The following ANO4 variants were observed in gnomAD, a reference collection of about 807,000 sequenced individuals.
ANO4 encodes anoctamin 4, also known as anoctamin-4.
ANO4 carries 69 observed loss-of-function variants against 141.9 expected under a neutral mutation model. The observed-to-expected ratio is 0.49, with a 90% confidence interval of 0.40 to 0.59. The LOEUF is 0.59. Ranked by LOEUF, ANO4 falls within the 20% of genes least tolerant of loss-of-function variation. The pLI is 0.00. For missense variants in ANO4, 894 were observed against 1,162.2 expected (o/e 0.77, Z 3.36); for synonymous variants, 350 against 394.3 (o/e 0.89, Z 1.33).
At chr12:100,865,160 C>T (rs1008464871) in intron 1 of ANO4, among the ~76,000 whole-genome samples, 7 of 152,098 alleles carry the variant, frequency 4.6e-5, no homozygotes, top group Admixed American at 3.9e-4. Flanking sequence ...AATGGGATTG[C>T]TGGGTCAAAT....
chr12:100,802,841 A>G (rs2034779174), intron 1 of ANO4, among the ~76,000 whole-genome samples: 1 of 152,156 alleles, frequency 6.6e-6, no homozygotes, highest in African/African-American at 2.4e-5. Context: ...GGTTCTCTTT[A>G]AAGTTATTTA....
chr12:101,027,417 G>A (rs1248865371), intron 9 of ANO4, among the ~76,000 whole-genome samples: 1 of 152,124 alleles, frequency 6.6e-6, no homozygotes, highest in African/African-American at 2.4e-5. Context: ...TTGGGGGAGG[G>A]GCAGCAGCCA....
intron 8 of ANO4, among the ~76,000 whole-genome samples, chr12:101,016,849 T>C (rs897952044): frequency 2.6e-5 from 4 of 152,150 alleles, no homozygotes; most frequent in African/African-American, 7.2e-5. Context: ...CCTGTGAAGG[T>C]GATTACAGTG....
intron 9 of ANO4, 70 bp from the exon 10 acceptor site, chr12:101,037,025 T>TA (rs1399290097): frequency 6.8e-7 from 1 of 1,473,672 alleles, no homozygotes; most frequent in Non-Finnish European, 9.5e-7. Flanking sequence ...GCACCACACT[T>TA]ATATTTGTTT....
intron 5 of ANO4, among the ~76,000 whole-genome samples, chr12:100,951,116 T>G (rs1592814675): frequency 1.3e-5 from 2 of 152,068 alleles, no homozygotes; most frequent in Admixed American, 1.3e-4. Context: ...AAATGTAAAT[T>G]AAAACCACAA....
chr12:100,725,661 A>C (rs2031085327), intron 1 of ANO4, among the ~76,000 whole-genome samples: 1 of 152,132 alleles, frequency 6.6e-6, no homozygotes, highest in Admixed American at 6.5e-5. Flanking sequence ...TTGCTATCTT[A>C]ACTGTCAACC....
intron 3 of ANO4, among the ~76,000 whole-genome samples, chr12:100,775,016 T>A (rs140534419): frequency 1.3e-3 from 202 of 152,342 alleles, no homozygotes; most frequent in African/African-American, 4.6e-3. Context: ...TTGTTGTACT[T>A]CTTTGAGGCA....
At position 101,094,407 on chromosome 12, in the gene ANO4, TACA is replaced by T. The variant is rs1464818469; in HGVS notation, c.1738+120_1738+122del. ...AATAGTCCCTTTATTTTAAAATTCA[TACA>T]ACAAGTTTTTTCTTTGCCTTCAACA... On this transcript the variant is annotated intron_variant, in intron 18 of 27. Coordinates refer to ENST00000392977, the MANE Select transcript of ANO4 (RefSeq NM_001286615.2). 31 of 789,858 alleles carry T rather than the reference TACA, an allele frequency of 3.9e-5. No homozygotes were observed. The Admixed American group carries it at 4.5e-4, about 12-fold the overall frequency. The allele number at this position is 789,858 out of a possible 1,614,324, so 48.9% of individuals were successfully genotyped here.
chr12:101,105,638 A>C (rs1337087123), intron 22 of ANO4, among the ~76,000 whole-genome samples: 1 of 152,228 alleles, frequency 6.6e-6, no homozygotes, highest in East Asian at 1.9e-4. Flanking sequence ...GGAGACCCAA[A>C]GATGATTCAG....
At chr12:100,990,867 G>A (rs142125924) in intron 8 of ANO4, among the ~76,000 whole-genome samples, 17 of 152,292 alleles carry the variant, frequency 1.1e-4, no homozygotes, top group African/African-American at 3.6e-4. Context: ...ATAAATGAAC[G>A]AAGGCGTGAA....
chr12:100,814,038 G>GT (rs1302840788), intron 1 of ANO4, among the ~76,000 whole-genome samples: 1 of 152,076 alleles, frequency 6.6e-6, no homozygotes, highest in Non-Finnish European at 1.5e-5. Context: ...GCCTCTAGCT[G>GT]TAACTCCCCT....
intron 1 of ANO4, among the ~76,000 whole-genome samples, chr12:100,818,397 G>C (rs931396031): frequency 1.3e-5 from 2 of 151,766 alleles, no homozygotes; most frequent in African/African-American, 4.8e-5. Context: ...AAGTAACAGA[G>C]CCCCCTTTTT....
intron 3 of ANO4, among the ~76,000 whole-genome samples, chr12:100,772,369 CTT>C (rs1184464433): frequency 6.6e-6 from 1 of 152,190 alleles, no homozygotes; most frequent in Non-Finnish European, 1.5e-5. Flanking sequence ...TTCCCTACCT[CTT>C]TTCTTTAAAT....
intron 22 of ANO4, among the ~76,000 whole-genome samples, chr12:101,103,146 A>G (rs1177109935): frequency 1.4e-5 from 2 of 144,714 alleles, no homozygotes; most frequent in Admixed American, 1.4e-4. Context: ...TATCATCCAC[A>G]TATAATGATA....
In ANO4 at chr12:101,104,627, GTATATATATA is replaced by G. The variant is rs1167784816; in HGVS notation, c.2149+4942_2149+4951del. 7.1e-3 allele frequency among the ~76,000 whole-genome samples: 438 copies of G among 62,044 alleles called. 4 individuals are homozygous for G. Among genetic ancestry groups the G allele is most frequent in the African/African-American group, 0.023 (296 of 12,856 alleles). 40.7% of individuals were successfully genotyped at this position (62,044 alleles called of 152,430 possible). A position where few individuals can be genotyped will look rare whatever the true frequency, so the allele number is the denominator to read the frequency against. Reference sequence around the variant, plus strand: ...TGTGTGTGTGTGTGTATGTATGTGTGTATATATATATATATATATATATATATATATATAT... The same window carrying G: ...TGTGTGTGTGTGTGTATGTATGTGTGTATATATATATATATATATATATAT... On this transcript the variant is annotated intron_variant, in intron 22 of 27. Coordinates refer to ENST00000392977, the MANE Select transcript of ANO4 (RefSeq NM_001286615.2).
At chr12:100,767,011 A>G (rs1239970944) in intron 3 of ANO4, among the ~76,000 whole-genome samples, 2 of 151,974 alleles carry the variant, frequency 1.3e-5, no homozygotes, top group Non-Finnish European at 2.9e-5. Flanking sequence ...TATATTCTGA[A>G]CACTCCTGTT....
chr12:101,053,301 A>G (rs935546685), intron 14 of ANO4, among the ~76,000 whole-genome samples: 2 of 152,238 alleles, frequency 1.3e-5, no homozygotes, highest in Non-Finnish European at 2.9e-5. Context: ...CTTAGGTGAC[A>G]AGAGTATTTG....
Position 101,006,039 on chromosome 12 carries a change from G to T in ANO4, c.735-13995G>T, listed in dbSNP as rs2045857974. ...TTTGGCCTACTGTGCCTTACCAATA[G>T]GTTTTCAACCTCTGGCTCAATTAAT... is the stretch of plus-strand genomic sequence containing the variant. On this transcript the variant is annotated intron_variant, in intron 8 of 27. Transcript: ENST00000392977. Among the ~76,000 whole-genome samples, 3 of 151,958 alleles carry T rather than the reference G, an allele frequency of 2.0e-5. No individual in the cohort carries two copies. The South Asian group carries it at 6.2e-4, about 32-fold the overall frequency.
chr12:100,868,363 A>G (rs556647059), intron 1 of ANO4, among the ~76,000 whole-genome samples: 1 of 152,150 alleles, frequency 6.6e-6, no homozygotes, highest in Non-Finnish European at 1.5e-5. Flanking sequence ...CGAGAGTAGA[A>G]TTTTGTCTCT....
Sources: allele counts gnomAD v4.1 joint callset (sites outside exome capture counted in the v4.1 genomes callset), GRCh38; gene constraint gnomAD v4.1.1; transcripts MANE v1.5; gene names NCBI Gene and HGNC (gene_info 2026-07-23, HGNC 2026-07-21).